VRK3: variants seen among roughly 807,000 people sequenced by gnomAD.
VRK3 encodes the protein serine/threonine-protein kinase VRK3.
Under a neutral mutation model 60.4 loss-of-function variants are expected in VRK3, and 50 were observed. That is an observed-to-expected ratio of 0.83 (90% confidence interval 0.66 to 1.05). VRK3 has a LOEUF of 1.05. Among genes scored for constraint, VRK3 ranks in the 50% least tolerant of loss-of-function variants. The pLI is 0.00. For synonymous variants in VRK3, 246 were observed against 227.8 expected, an observed-to-expected ratio of 1.08 and a Z score of -0.72; for missense variants, 549 against 585.3, an observed-to-expected ratio of 0.94 and a Z score of 0.64.
At chr19:49,997,403 C>G in intron 7 of VRK3, 101 bp downstream of exon 7, 1 of 1,349,458 alleles carries the variant, frequency 7.4e-7, no homozygotes, top group Non-Finnish European at 1.0e-6. Flanking sequence ...GGCCTTTAAT[C>G]TAAGCCCACC....
intron 2 of VRK3, among the ~76,000 whole-genome samples, chr19:50,017,660 A>G (rs2077100385): frequency 6.6e-6 from 1 of 151,652 alleles, no homozygotes; most frequent in African/African-American, 2.4e-5. Flanking sequence ...TTTCACCTTG[A>G]AAGAGAATAT....
Position 50,025,349 on chromosome 19 carries a change from C to T in VRK3, c.-147G>A, listed in dbSNP as rs1041281928. 1 of 152,328 alleles carries T rather than the reference C, an allele frequency of 6.6e-6. No homozygotes were observed. Among genetic ancestry groups the T allele is most frequent in the Non-Finnish European group, 1.5e-5 (1 of 68,094 alleles). The allele number at this position is 152,328 out of a possible 1,614,324, so 9.4% of individuals were successfully genotyped here. On this transcript the variant is annotated 5_prime_UTR_variant, in exon 1 of 15. Transcript: ENST00000316763. ...CTCCGCAGTTACCCGGACTCACCTT[C>T]TCAGTTGCCCAGCGAAAACTTCCGC...
chr19:50,004,818 G>T (rs1015212453), intron 5 of VRK3, among the ~76,000 whole-genome samples: 2 of 152,030 alleles, frequency 1.3e-5, no homozygotes, highest in Non-Finnish European at 2.9e-5. Context: ...GCTGAGGGGG[G>T]AGAATCACTT....
chr19:50,009,289 T>G lies in VRK3; in HGVS notation c.236A>C (p.Asp79Ala). 1 of 1,614,196 alleles carries G rather than the reference T, an allele frequency of 6.2e-7. No homozygotes were observed. The highest frequency in any genetic ancestry group is 1.7e-5 in the Admixed American group (1 of 60,024). Reference protein sequence around the residue: ...VTSPRLSLFSDGDSSESEDTL... With the variant: ...VTSPRLSLFSAGDSSESEDTL... The stretch of plus-strand genomic sequence containing the variant: ...ATCTTCAGACTCAGAACTGTCACCA[T>G]CTGAGAAGAGGGATAATCGGGGAGA... The change falls in exon 4 of 15, where the codon GAT (aspartate) becomes GCT (alanine). Residue 79 changes from aspartate to alanine, a missense_variant. Physicochemically the swap from Asp to Ala is moderately radical, Grantham distance 126. Coordinates refer to ENST00000316763, the MANE Select transcript of VRK3 (RefSeq NM_016440.4).
At chr19:50,004,346 T>G (rs1430741703) in intron 5 of VRK3, among the ~76,000 whole-genome samples, 2 of 152,088 alleles carry the variant, frequency 1.3e-5, no homozygotes, top group Non-Finnish European at 2.9e-5. Context: ...TTTTCATCCT[T>G]CTCCCTTTCT....
chr19:50,018,074 A>G (rs17311679), intron 2 of VRK3, among the ~76,000 whole-genome samples: 8,288 of 152,294 alleles, frequency 0.054, 263 homozygotes, highest in Middle Eastern at 0.11. Context: ...AGGCTGCCAG[A>G]TTTCAATCCC....
intron 1 of VRK3, among the ~76,000 whole-genome samples, chr19:50,021,456 T>C (rs1296637060): frequency 1.3e-5 from 2 of 152,218 alleles, no homozygotes; most frequent in Non-Finnish European, 2.9e-5. Flanking sequence ...TTCCACGGCA[T>C]GAGGCAGCCT....
At chr19:49,997,233 C>T in intron 7 of VRK3, 1 of 313,320 alleles carries the variant, frequency 3.2e-6, no homozygotes, top group South Asian at 6.0e-5. Flanking sequence ...GATCTGCCCA[C>T]CTCAGCCTCC....
chr19:49,996,568 G>A (rs1341426382), intron 7 of VRK3, among the ~76,000 whole-genome samples: 1 of 152,044 alleles, frequency 6.6e-6, no homozygotes, highest in Non-Finnish European at 1.5e-5. Context: ...AATTTCTGAG[G>A]GTTCATTACC....
intron 6 of VRK3, chr19:49,997,847 G>A: frequency 2.9e-6 from 1 of 343,658 alleles, no homozygotes; most frequent in South Asian, 3.8e-5. Flanking sequence ...AGCTTCCTTT[G>A]CAGTGAGGAC....
chr19:50,020,261 G>A (rs1160817201), intron 2 of VRK3, among the ~76,000 whole-genome samples: 4 of 152,054 alleles, frequency 2.6e-5, no homozygotes, highest in Non-Finnish European at 4.4e-5. Flanking sequence ...GGCTGGTCTC[G>A]AACTCCTGAC....
intron 12 of VRK3, chr19:49,981,512 T>G (rs559293720): frequency 5.7e-4 from 130 of 229,650 alleles, no homozygotes; most frequent in Non-Finnish European, 7.8e-4. Context: ...GCCACTGCAC[T>G]CCAGCCTGGG....
At chr19:50,005,889 G>A (rs541587042) in intron 5 of VRK3, among the ~76,000 whole-genome samples, 2 of 149,740 alleles carry the variant, frequency 1.3e-5, no homozygotes, top group South Asian at 4.1e-4. Flanking sequence ...TGATGGCTCA[G>A]AACTACTGGG....
intron 14 of VRK3, among the ~76,000 whole-genome samples, chr19:49,978,126 G>C (rs1179471375): frequency 6.6e-6 from 1 of 152,186 alleles, no homozygotes; most frequent in Non-Finnish European, 1.5e-5. Flanking sequence ...GATTCTTTGT[G>C]GGGTGGTACA....
At chr19:49,988,545 G>A (rs1489647105) in intron 11 of VRK3, 53 bp from the exon 12 acceptor site, 2 of 1,593,522 alleles carry the variant, frequency 1.3e-6, no homozygotes, top group East Asian at 4.5e-5. Flanking sequence ...TCCACTCACT[G>A]GTGGGTCCAC....
intron 14 of VRK3, 61 bp downstream of exon 14, chr19:49,979,022 T>C (rs2076377059): frequency 2.0e-6 from 3 of 1,508,616 alleles, no homozygotes; most frequent in South Asian, 1.3e-5. Context: ...TCCTGGAGCC[T>C]GGGGCAGGGC....
At chr19:49,984,291 C>T (rs1002845437) in intron 12 of VRK3, among the ~76,000 whole-genome samples, 5 of 152,138 alleles carry the variant, frequency 3.3e-5, no homozygotes, top group Admixed American at 2.0e-4. Context: ...GCACTGAATG[C>T]GTAAGTGGAG....
chr19:49,988,559 C>A lies in VRK3; in HGVS notation c.1097-67G>T, dbSNP rs568430140. 9 of 1,564,218 alleles carry A rather than the reference C, an allele frequency of 5.8e-6. No homozygotes were observed. The East Asian group carries it at 9.2e-5, about 16-fold the overall frequency. On this transcript the variant is annotated intron_variant, in intron 11 of 14. Coordinates refer to ENST00000316763, the MANE Select transcript of VRK3 (RefSeq NM_016440.4). ...CTCCACTCACTGGTGGGTCCACCCC[C>A]CTTCCTTCCCCTCTCTCTCACTGAC... is the stretch of plus-strand genomic sequence containing the variant.
intron 3 of VRK3, among the ~76,000 whole-genome samples, chr19:50,014,405 A>G (rs1227347962): frequency 6.6e-6 from 1 of 151,042 alleles, no homozygotes; most frequent in Non-Finnish European, 1.5e-5. Context: ...TAAAAATACA[A>G]AAAATCAACT....
Sources: gnomAD v4.1 joint callset for allele counts (sites outside exome capture counted in the v4.1 genomes callset) on GRCh38, gnomAD v4.1.1 for gene constraint, MANE v1.5 for transcripts, NCBI Gene and HGNC (gene_info 2026-07-23, HGNC 2026-07-21) for gene names.